The following SHC3 variants were observed in gnomAD, a reference collection of about 807,000 sequenced individuals.
SHC3 encodes the protein SHC adaptor protein 3.
Under a neutral mutation model 60.4 loss-of-function variants are expected in SHC3, and 15 were observed. The ratio of observed to expected loss-of-function variants is 0.25; its 90% CI spans 0.17 to 0.38. The LOEUF is 0.38. Ranked by LOEUF, SHC3 falls within the 10% of genes least tolerant of loss-of-function variation. The probability of loss-of-function intolerance (pLI) is 1.00; values close to 1 mark genes in which losing one functional copy is unlikely to be tolerated. For synonymous variants in SHC3, 294 were observed against 325.9 expected (o/e 0.90, Z 1.05); for missense variants, 677 against 786.1 (o/e 0.86, Z 1.66).
At position 89,056,438 on chromosome 9, in the gene SHC3, C is replaced by A. The variant is rs187299475; in HGVS notation, c.836-4275G>T. ...ATTTTTAGTAGAGATAGGGTTTCAC[C>A]ATGTTGACCAAGCTGGTCTCGAACT... is the stretch of plus-strand genomic sequence containing the variant. On this transcript the variant is annotated intron_variant, in intron 6 of 11. Transcript: ENST00000375835. Among the ~76,000 whole-genome samples, 210 of 152,240 alleles carry A rather than the reference C, an allele frequency of 1.4e-3. 2 individuals carry two copies. Among genetic ancestry groups the A allele is most frequent in the African/African-American group, 4.9e-3 (205 of 41,574 alleles).
rs540771501 is a variant in SHC3 at position 89,158,794 on chromosome 9, T to G, written c.474+19193A>C. Among the ~76,000 whole-genome samples the G allele has an allele frequency of 7.9e-5, 12 of 152,370 alleles. No individual in the cohort carries two copies. In the South Asian group the frequency reaches 2.3e-3, roughly 29 times the overall value. ...CTTTTCAAATCAACTGTAATAGGAC[T>G]CTAGTTCACTTTTAGAAATGGCTAC... On this transcript the variant is annotated intron_variant, in intron 1 of 11. Coordinates refer to ENST00000375835, the MANE Select transcript of SHC3 (RefSeq NM_016848.6).
rs78643491 is a variant in SHC3, at chr9:89,007,832, T to C, written c.*5615A>G. ...TCCCCCAATCCCTGTGGTCCTCATGTCCTGTTCTTGTTCTCTTTGTGCTGG... is the reference window on the plus strand; with the variant it reads ...TCCCCCAATCCCTGTGGTCCTCATGCCCTGTTCTTGTTCTCTTTGTGCTGG... On this transcript the variant is annotated 3_prime_UTR_variant, in exon 12 of 12. Transcript: ENST00000375835. 376 of 152,390 alleles carry C rather than the reference T, an allele frequency of 2.5e-3. 2 individuals are homozygous for C. The highest frequency in any genetic ancestry group is 4.7e-3 in the Non-Finnish European group (321 of 68,076). 9.4% of individuals were successfully genotyped at this position (152,390 alleles called of 1,614,324 possible).
At chr9:89,162,598 T>C (rs1302649576) in intron 1 of SHC3, among the ~76,000 whole-genome samples, 4 of 152,006 alleles carry the variant, frequency 2.6e-5, no homozygotes, top group Admixed American at 1.3e-4. Flanking sequence ...CAATTCAAGA[T>C]GGATTAAAGA....
chr9:89,035,827 C>CAA (rs1374102182), intron 11 of SHC3, among the ~76,000 whole-genome samples: 16 of 49,570 alleles, frequency 3.2e-4, no homozygotes, highest in East Asian at 6.1e-3. Flanking sequence ...AACAAACAAA[C>CAA]AAAATATATA....
intron 1 of SHC3, among the ~76,000 whole-genome samples, chr9:89,162,294 C>T (rs1297753655): frequency 4.0e-5 from 6 of 151,514 alleles, no homozygotes; most frequent in African/African-American, 1.5e-4. Flanking sequence ...AGTCAATCCT[C>T]AGCCAAAAGA....
At chr9:89,093,140 T>C (rs904957419) in intron 2 of SHC3, among the ~76,000 whole-genome samples, 53 of 152,194 alleles carry the variant, frequency 3.5e-4, no homozygotes, top group African/African-American at 1.1e-3. Context: ...AGTCCACCTG[T>C]TTTCATAAGC....
At chr9:89,123,547 G>A (rs962610390) in intron 1 of SHC3, among the ~76,000 whole-genome samples, 2 of 152,162 alleles carry the variant, frequency 1.3e-5, no homozygotes, top group African/African-American at 4.8e-5. Context: ...CTGGCTTCAG[G>A]AATTGGTCAG....
chr9:89,155,894 A>T (rs1325663238), intron 1 of SHC3, among the ~76,000 whole-genome samples: 2 of 152,164 alleles, frequency 1.3e-5, no homozygotes, highest in Admixed American at 1.3e-4. Context: ...TAAGCTTTTA[A>T]ATTCCATCTT....
chr9:89,080,271 C>T (rs1160846918), intron 2 of SHC3, among the ~76,000 whole-genome samples: 1 of 152,172 alleles, frequency 6.6e-6, no homozygotes, highest in African/African-American at 2.4e-5. Context: ...TGCTTCTTAA[C>T]ATTCTGTTCA....
At chr9:89,065,308 G>C (rs1825160079) in intron 6 of SHC3, among the ~76,000 whole-genome samples, 2 of 152,204 alleles carry the variant, frequency 1.3e-5, no homozygotes, top group South Asian at 2.1e-4. Flanking sequence ...TACCAAACCA[G>C]CTATCTGGAT....
At chr9:89,025,356 A>T (rs1294458100) in intron 11 of SHC3, among the ~76,000 whole-genome samples, 1 of 152,082 alleles carries the variant, frequency 6.6e-6, no homozygotes, top group East Asian at 1.9e-4. Flanking sequence ...TGTGATGTAG[A>T]CCTGTCCCAG....
At chr9:89,034,457 C>T (rs964145972) in intron 11 of SHC3, among the ~76,000 whole-genome samples, 8 of 152,220 alleles carry the variant, frequency 5.3e-5, no homozygotes, top group African/African-American at 1.9e-4. Context: ...CTCCCCTGGT[C>T]AGCCTCTGTA....
chr9:89,127,460 CAG>C (rs1826180239), intron 1 of SHC3, among the ~76,000 whole-genome samples: 2 of 152,060 alleles, frequency 1.3e-5, no homozygotes, highest in African/African-American at 2.4e-5. Flanking sequence ...TTGAGAAAAA[CAG>C]GAGATGCCCC....
intron 11 of SHC3, chr9:89,037,353 C>A: frequency 1.7e-6 from 1 of 604,598 alleles, no homozygotes; most frequent in South Asian, 2.1e-5. Flanking sequence ...GAATTTCACT[C>A]AATGGTTAGG....
chr9:89,155,055 T>G (rs139884045), intron 1 of SHC3, among the ~76,000 whole-genome samples: 4 of 152,192 alleles, frequency 2.6e-5, no homozygotes, highest in Non-Finnish European at 2.9e-5. Flanking sequence ...TTATCTACCC[T>G]TGAGCATTGC....
At chr9:89,058,176 A>G (rs116805322) in intron 6 of SHC3, among the ~76,000 whole-genome samples, 2,756 of 152,288 alleles carry the variant, frequency 0.018, 81 homozygotes, top group African/African-American at 0.062. Flanking sequence ...GAACACAGCA[A>G]GGAAGACAAT....
At chr9:89,059,255 A>ACG in intron 6 of SHC3, among the ~76,000 whole-genome samples, 1 of 125,864 alleles carries the variant, frequency 7.9e-6, no homozygotes, top group South Asian at 2.9e-4. Context: ...GTGGTGGAGG[A>ACG]TGGTGGTGGA....
At chr9:89,125,881 A>T (rs1179886570) in intron 1 of SHC3, among the ~76,000 whole-genome samples, 1 of 152,198 alleles carries the variant, frequency 6.6e-6, no homozygotes, top group Non-Finnish European at 1.5e-5. Context: ...AAAAATAACC[A>T]TAAAAATGGG....
intron 1 of SHC3, among the ~76,000 whole-genome samples, chr9:89,144,789 G>A (rs1346123534): frequency 2.6e-5 from 4 of 151,148 alleles, no homozygotes; most frequent in Non-Finnish European, 5.9e-5. Context: ...ATTATGTCAT[G>A]AGCCTTTTTT....
Sources: gnomAD v4.1 joint callset for allele counts (sites outside exome capture counted in the v4.1 genomes callset) on GRCh38, gnomAD v4.1.1 for gene constraint, MANE v1.5 for transcripts, NCBI Gene and HGNC (gene_info 2026-07-23, HGNC 2026-07-21) for gene names.